VWA5A: variants seen among roughly 807,000 people sequenced by gnomAD.
VWA5A encodes von Willebrand factor A domain-containing protein 5A.
VWA5A carries 77 observed loss-of-function variants against 84.6 expected under a neutral mutation model. The observed-to-expected ratio is 0.91, with a 90% CI of 0.76 to 1.10. VWA5A has a LOEUF of 1.10. Among genes scored for constraint, VWA5A ranks in the 50% least tolerant of loss-of-function variants. The pLI is 0.00. For missense variants in VWA5A, 973 were observed against 963.0 expected (o/e 1.01, Z -0.14); for synonymous variants, 334 against 350.1 (o/e 0.95, Z 0.51).
intron 18 of VWA5A, 52 bp from the exon 19 acceptor site, chr11:124,145,814 G>A: frequency 6.5e-7 from 1 of 1,532,712 alleles, no homozygotes; most frequent in Non-Finnish European, 8.8e-7. Context: ...AGGTTTGGAG[G>A]AGCCTCTAAT....
rs1864975725 is a variant in VWA5A, at chr11:124,123,907, TCA to T, written c.1164+106_1164+107del. ...AGTATGTTGAAATATAGTTTGCAATTCACAGTCTTCTATCATATAGTAAACAG... is the reference window on the plus strand; with the variant it reads ...AGTATGTTGAAATATAGTTTGCAATTCAGTCTTCTATCATATAGTAAACAG... On this transcript the variant is annotated intron_variant, in intron 10 of 18. Coordinates refer to ENST00000456829, the MANE Select transcript of VWA5A (RefSeq NM_001130142.2). The T allele has an allele frequency of 2.8e-6, 4 of 1,413,576 alleles. No individual in the cohort carries two copies. The African/African-American group carries it at 4.3e-5, about 15-fold the overall frequency. The allele number at this position is 1,413,576 out of a possible 1,614,324, so 87.6% of individuals were successfully genotyped here.
rs189445820 is a variant in VWA5A at position 124,117,948 on chromosome 11, A to G, written c.246+73A>G. 17 of 1,547,120 alleles carry G rather than the reference A, an allele frequency of 1.1e-5. No individual in the cohort carries two copies. In the Admixed American group the frequency reaches 1.2e-4, roughly 11 times the overall value. Reference sequence around the variant, plus strand: ...CTTATTTCCTTAATGCATACTCTTTATGATCTCTACTAAATGTACCTTCAC... The same window carrying G: ...CTTATTTCCTTAATGCATACTCTTTGTGATCTCTACTAAATGTACCTTCAC... On this transcript the variant is annotated intron_variant, in intron 4 of 18. Coordinates refer to ENST00000456829, the MANE Select transcript of VWA5A (RefSeq NM_001130142.2).
chr11:124,136,064 C>G (rs1314890408), intron 12 of VWA5A, 65 bp from the exon 13 acceptor site: 1 of 1,543,248 alleles, frequency 6.5e-7, no homozygotes, highest in Non-Finnish European at 8.9e-7. Flanking sequence ...TAATAAATGT[C>G]CAGTTAATTG....
In VWA5A at chr11:124,142,501, G is replaced by T. The variant is rs1450733907; in HGVS notation, c.2083G>T (p.Asp695Tyr). ...CCACCAAAATGCAAATGGTTCCTGG[G>T]ATCTGAATGAAGATCTAGCCAAGAT... Reference protein sequence around the residue: ...IYHQNANGSWDLNEDLAKILG... With the variant: ...IYHQNANGSWYLNEDLAKILG... Residue 695 changes from aspartate (D) to tyrosine (Y), a missense_variant, in exon 17 of 19, where the codon GAT becomes TAT. Transcript: ENST00000456829. The T allele has an allele frequency of 1.2e-6, 2 of 1,614,154 alleles. No homozygotes were observed.
chr11:124,145,785 T>G (rs1860810065), intron 18 of VWA5A, 81 bp from the exon 19 acceptor site: 1 of 1,401,542 alleles, frequency 7.1e-7, no homozygotes, highest in East Asian at 2.5e-5. Context: ...AAAGCACAAC[T>G]CAGGGTAGAT....
rs560635819 is a variant in VWA5A, at chr11:124,134,792, A to G, written c.1245-128A>G. Reference sequence around the variant, plus strand: ...CTAAAATATAGAATATGCTCAGTAAATGGTAGCTGTTACACTTTTGGTCAA... The same window carrying G: ...CTAAAATATAGAATATGCTCAGTAAGTGGTAGCTGTTACACTTTTGGTCAA... On this transcript the variant is annotated intron_variant, in intron 11 of 18. Transcript: ENST00000456829. The G allele has an allele frequency of 6.6e-6, 4 of 602,354 alleles. No homozygotes were observed. In the African/African-American group the frequency reaches 7.5e-5, roughly 11 times the overall value. 37.3% of individuals were successfully genotyped at this position (602,354 alleles called of 1,614,324 possible).
At position 124,145,330 on chromosome 11, in the gene VWA5A, A is replaced by G. The variant is rs764215930; in HGVS notation, c.2248A>G (p.Arg750Gly). ...GAAGTGTGAATGGGAGCTTCTGGAA[A>G]GGAAGGCCGTGGCCTGGATGCGTGC... Reference protein sequence around the residue: ...DLKCEWELLERKAVAWMRAHA... With the variant: ...DLKCEWELLEGKAVAWMRAHA... Residue 750 changes from arginine to glycine, a missense_variant, in exon 18 of 19, where the codon AGG (arginine) becomes GGG (glycine). Coordinates refer to ENST00000456829, the MANE Select transcript of VWA5A (RefSeq NM_001130142.2). The G allele has an allele frequency of 2.5e-6, 4 of 1,613,910 alleles. No homozygotes were observed. The highest frequency in any genetic ancestry group is 3.4e-6 in the Non-Finnish European group (4 of 1,179,860).
intron 11 of VWA5A, 127 bp downstream of exon 11, chr11:124,124,443 G>C: frequency 7.8e-6 from 11 of 1,407,032 alleles, no homozygotes; most frequent in Non-Finnish European, 1.0e-5. Context: ...AGTTTTAGCA[G>C]CTGAAAATTT....
In VWA5A at chr11:124,146,153, CA is replaced by C; in HGVS notation, c.*209del. 1 of 503,308 alleles carries C rather than the reference CA, an allele frequency of 2.0e-6. No homozygotes were observed. Among genetic ancestry groups the C allele is most frequent in the South Asian group, 2.3e-5 (1 of 43,916 alleles). 31.2% of individuals were successfully genotyped at this position (503,308 alleles called of 1,614,324 possible). A position where few individuals can be genotyped will look rare whatever the true frequency, so the allele number is the denominator to read the frequency against. ...CCAACATATGCCCTCAGAAAAGTGACAGTGGTCCCAGAACCTATTCCCTTTC... is the reference window on the plus strand; with the variant it reads ...CCAACATATGCCCTCAGAAAAGTGACGTGGTCCCAGAACCTATTCCCTTTC... On this transcript the variant is annotated 3_prime_UTR_variant, in exon 19 of 19. Transcript: ENST00000456829.
At position 124,118,210 on chromosome 11, in the gene VWA5A, G is replaced by A. The variant is rs779103717; in HGVS notation, c.268G>A (p.Ala90Thr). ...KMKARTNYEK[A>T]ISQGHQAFLL... is the part of the protein sequence containing the mutation. ...TCAGGCCCGCACCAACTATGAGAAA[G>A]CCATCTCCCAGGGCCACCAGGCCTT... The change falls in exon 5 of 19, where the codon GCC (alanine) becomes ACC (threonine). Residue 90 changes from alanine to threonine, a missense_variant. Transcript: ENST00000456829. 1.9e-6 allele frequency: 3 copies of A among 1,613,948 alleles called. No individual in the cohort carries two copies. Among genetic ancestry groups the A allele is most frequent in the Non-Finnish European group, 2.5e-6 (3 of 1,180,010 alleles).
At chr11:124,123,578 A>T (rs1489431839) in intron 9 of VWA5A, 82 bp from the exon 10 acceptor site, 1 of 1,611,488 alleles carries the variant, frequency 6.2e-7, no homozygotes, top group African/African-American at 1.3e-5. Context: ...CTCTCTTTTA[A>T]TGGGGGTTTC....
chr11:124,135,443 C>G lies in VWA5A; in HGVS notation c.1359+409C>G, dbSNP rs546409070. On this transcript the variant is annotated intron_variant, in intron 12 of 18. Transcript: ENST00000456829. ...AGGAGAAGGAATAATCATGATATGT[C>G]TAATGGATCGGAAGAGGTAGTAAAT... Among the ~76,000 whole-genome samples, 3 of 150,680 alleles carry G rather than the reference C, an allele frequency of 2.0e-5. No homozygotes were observed. The East Asian group carries it at 5.9e-4, about 29-fold the overall frequency.
intron 11 of VWA5A, among the ~76,000 whole-genome samples, chr11:124,128,416 C>T (rs539210219): frequency 6.6e-6 from 1 of 152,112 alleles, no homozygotes; most frequent in Non-Finnish European, 1.5e-5. Flanking sequence ...GTTACTGTAG[C>T]CTTGTAGTAT....
chr11:124,133,242 C>T (rs1865123794), intron 11 of VWA5A, among the ~76,000 whole-genome samples: 2 of 152,186 alleles, frequency 1.3e-5, no homozygotes, highest in Non-Finnish European at 2.9e-5. Context: ...TCTGATTCAC[C>T]TCTACCTCTG....
Position 124,118,464 on chromosome 11 carries a change from TTTTCTTAAGG to T in VWA5A, c.469+56_470-57del. 1.9e-6 allele frequency: 3 copies of T among 1,610,770 alleles called. No homozygotes were observed. In the South Asian group the frequency reaches 3.3e-5, roughly 18 times the overall value. On this transcript the variant is annotated intron_variant, in intron 5 of 18. Coordinates refer to ENST00000456829, the MANE Select transcript of VWA5A (RefSeq NM_001130142.2). ...GTGGTGGGTGACATAAATGGGGAAA[TTTTCTTAAGG>T]TTGAGAGTGTCATAAAAAGTGTTGG...
At chr11:124,123,249 G>A in intron 8 of VWA5A, 117 bp from the exon 9 acceptor site, 2 of 1,519,970 alleles carry the variant, frequency 1.3e-6, no homozygotes, top group Non-Finnish European at 1.8e-6. Context: ...GGCTAGCCTT[G>A]GAATGTAAGA....
chr11:124,130,762 G>A (rs940448908), intron 11 of VWA5A, among the ~76,000 whole-genome samples: 2 of 151,782 alleles, frequency 1.3e-5, no homozygotes, highest in Non-Finnish European at 3.0e-5. Flanking sequence ...TTATCAAAAA[G>A]CCCTTGAAGA....
chr11:124,125,911 TAA>T (rs981482153), intron 11 of VWA5A, among the ~76,000 whole-genome samples: 2 of 152,212 alleles, frequency 1.3e-5, no homozygotes, highest in Non-Finnish European at 2.9e-5. Context: ...TGTGTCCTGT[TAA>T]AAAGTCTTTC....
chr11:124,130,972 T>C (rs1865088706), intron 11 of VWA5A, among the ~76,000 whole-genome samples: 1 of 152,090 alleles, frequency 6.6e-6, no homozygotes, highest in Admixed American at 6.6e-5. Flanking sequence ...TTCTTCCTCT[T>C]TTCTCCAATT....
Sources: allele counts gnomAD v4.1 joint callset (sites outside exome capture counted in the v4.1 genomes callset), GRCh38; gene constraint gnomAD v4.1.1; transcripts MANE v1.5; gene names NCBI Gene and HGNC (gene_info 2026-07-23, HGNC 2026-07-21).